Variants in C21orf58 observed in about 807,000 individuals in gnomAD.
The protein encoded by C21orf58 is uncharacterized protein C21orf58.
A neutral mutation model predicts 35.8 loss-of-function variants in C21orf58; 34 were observed. The ratio of observed to expected loss-of-function variants is 0.95; its 90% CI spans 0.72 to 1.26. The LOEUF is 1.26. Ranked by LOEUF, C21orf58 falls within the 50% of genes most tolerant of loss-of-function variation. The pLI, the probability that C21orf58 is intolerant of heterozygous loss-of-function variation, is 0.00. For synonymous variants in C21orf58, 191 were observed against 175.8 expected, an observed-to-expected ratio of 1.09 and a Z score of -0.68; for missense variants, 440 against 414.3, an observed-to-expected ratio of 1.06 and a Z score of -0.54.
At chr21:46,309,586 A>G (rs1032104515) in intron 6 of C21orf58, among the ~76,000 whole-genome samples, 1 of 152,240 alleles carries the variant, frequency 6.6e-6, no homozygotes, top group African/African-American at 2.4e-5. Flanking sequence ...CTACTCAGCA[A>G]TTAGAAGGAA....
chr21:46,300,593 T>A, downstream of C21orf58: 1 of 1,133,718 alleles, frequency 8.8e-7, no homozygotes, highest in South Asian at 1.8e-5. Flanking sequence ...GAGAAGTGAG[T>A]GTTACTGCCA....
At chr21:46,303,104 C>T (rs1253809328) in intron 6 of C21orf58, among the ~76,000 whole-genome samples, 4 of 151,934 alleles carry the variant, frequency 2.6e-5, no homozygotes, top group East Asian at 3.9e-4. Flanking sequence ...GCAGAGCTTG[C>T]GGTGAGCCAA....
intron 5 of C21orf58, among the ~76,000 whole-genome samples, chr21:46,313,656 T>C (rs13047780): frequency 0.78 from 118,204 of 152,142 alleles, 46,287 homozygotes; most frequent in Non-Finnish European, 0.81. Context: ...GGAGGAGGTT[T>C]CTGGTGCTGG....
At chr21:46,318,821 G>T (rs1362264647) in intron 1 of C21orf58, 2 of 987,158 alleles carry the variant, frequency 2.0e-6, no homozygotes, top group Non-Finnish European at 2.4e-6. Context: ...AGTCAAGTTT[G>T]CAGGAAGCTT....
rs2083256550 is a variant in C21orf58, at chr21:46,323,773, G to A, written c.-1035C>T. On this transcript the variant is annotated 5_prime_UTR_variant, in exon 1 of 8. It adds an upstream start codon to the 5' untranslated region. Coordinates refer to ENST00000291691, the MANE Select transcript of C21orf58 (RefSeq NM_058180.5). ...CCTGTCCGGGTGGTTGCTGAGCACC[G>A]TTCGGCGCCGCCCGCGCCTGCAGGG... 2 of 292,456 alleles carry A rather than the reference G, an allele frequency of 6.8e-6. No individual in the cohort carries two copies. The highest frequency in any genetic ancestry group is 3.0e-5 in the South Asian group (1 of 33,268). 18.1% of individuals were successfully genotyped at this position (292,456 alleles called of 1,614,324 possible).
At chr21:46,309,604 T>C (rs1371039000) in intron 6 of C21orf58, among the ~76,000 whole-genome samples, 1 of 152,218 alleles carries the variant, frequency 6.6e-6, no homozygotes, top group East Asian at 1.9e-4. Context: ...GAACCATTTA[T>C]TGATACACCC....
chr21:46,303,743 ATATTTTTTTTT>A (rs1255061230), intron 6 of C21orf58, among the ~76,000 whole-genome samples: 116 of 19,564 alleles, frequency 5.9e-3, no homozygotes, highest in African/African-American at 0.022. Context: ...ATATATATAT[ATATTTTTTTTT>A]TTTTTTTTTT....
At chr21:46,303,525 C>T (rs1330960062) in intron 6 of C21orf58, among the ~76,000 whole-genome samples, 1 of 150,800 alleles carries the variant, frequency 6.6e-6, no homozygotes, top group Admixed American at 6.6e-5. Context: ...GGGCAAATTA[C>T]TTAAATGGAC....
intron 2 of C21orf58, among the ~76,000 whole-genome samples, chr21:46,317,775 C>T (rs556984370): frequency 1.3e-3 from 192 of 152,316 alleles, no homozygotes; most frequent in Non-Finnish European, 2.3e-3. Flanking sequence ...CCCCAGGCAC[C>T]GAGGCTCCCC....
At chr21:46,315,635 G>A (rs953003216) in intron 3 of C21orf58, 88 bp from the exon 4 acceptor site, 12 of 851,500 alleles carry the variant, frequency 1.4e-5, no homozygotes, top group East Asian at 5.1e-5. Flanking sequence ...CACCCATGTC[G>A]GAAGGCCCTG....
At chr21:46,322,212 G>C (rs1415647382) in intron 1 of C21orf58, among the ~76,000 whole-genome samples, 1 of 152,022 alleles carries the variant, frequency 6.6e-6, no homozygotes, top group Non-Finnish European at 1.5e-5. Flanking sequence ...CCTGAGCCCG[G>C]GGAAGTTGAG....
chr21:46,303,698 ACACACAC>A, intron 6 of C21orf58, among the ~76,000 whole-genome samples: 1 of 113,128 alleles, frequency 8.8e-6, no homozygotes, highest in African/African-American at 3.2e-5. Context: ...ACACACACAC[ACACACAC>A]AAAATATATA....
chr21:46,317,450 C>A (rs2083015444), intron 2 of C21orf58, 182 bp from the exon 3 acceptor site: 1 of 993,146 alleles, frequency 1.0e-6, no homozygotes, highest in African/African-American at 1.6e-5. Flanking sequence ...CCTCTGTAAG[C>A]CTGACCTCTA....
Position 46,322,779 on chromosome 21 carries a change from A to G in C21orf58, c.-41T>C. ...GCGTCGCAGCGAGACTGTCTCAAAA[A>G]AAGAAAAAAAATTCTGAGCGAGATT... On this transcript the variant is annotated 5_prime_UTR_variant, in exon 1 of 8. Transcript: ENST00000291691. 1 of 1,344,772 alleles carries G rather than the reference A, an allele frequency of 7.4e-7. No individual in the cohort carries two copies. Among genetic ancestry groups the G allele is most frequent in the Non-Finnish European group, 9.8e-7 (1 of 1,016,084 alleles). 83.3% of individuals were successfully genotyped at this position (1,344,772 alleles called of 1,614,324 possible).
intron 1 of C21orf58, chr21:46,320,867 G>A (rs2083132034): frequency 6.6e-6 from 1 of 152,136 alleles, no homozygotes; most frequent in South Asian, 2.1e-4. Flanking sequence ...CAGTGGTCAA[G>A]TATACTATTA....
intron 1 of C21orf58, among the ~76,000 whole-genome samples, chr21:46,321,020 G>A (rs1472909835): frequency 6.6e-6 from 1 of 152,070 alleles, no homozygotes; most frequent in Admixed American, 6.6e-5. Context: ...AGAGGGCATG[G>A]ATTTGTCAGA....
At chr21:46,312,907 C>T (rs2082804107) in intron 5 of C21orf58, 1 of 733,682 alleles carries the variant, frequency 1.4e-6, no homozygotes. Flanking sequence ...ATATATAGAA[C>T]ACGTCATGAA....
intron 6 of C21orf58, among the ~76,000 whole-genome samples, chr21:46,311,189 A>C (rs1050703650): frequency 1.3e-5 from 2 of 152,140 alleles, no homozygotes; most frequent in Admixed American, 6.6e-5. Flanking sequence ...ATTTTAAAAG[A>C]AGCATCTTAA....
intron 1 of C21orf58, chr21:46,318,903 G>C (rs985833076): frequency 2.1e-6 from 2 of 973,016 alleles, no homozygotes; most frequent in Non-Finnish European, 2.4e-6. Flanking sequence ...TGATGAGTTA[G>C]TCAATCCCAC....
Sources: allele counts gnomAD v4.1 joint callset (sites outside exome capture counted in the v4.1 genomes callset), GRCh38; gene constraint gnomAD v4.1.1; transcripts MANE v1.5; gene names NCBI Gene and HGNC (gene_info 2026-07-23, HGNC 2026-07-21).